DNAH10: variants seen among roughly 807,000 people sequenced by gnomAD.
The protein encoded by DNAH10 is dynein axonemal heavy chain 10.
DNAH10 carries 348 observed loss-of-function variants against 506.6 expected under a neutral mutation model. That is an observed-to-expected ratio of 0.69 (90% confidence interval 0.63 to 0.75). DNAH10 has a LOEUF of 0.75. Ranked by LOEUF, DNAH10 falls within the 30% of genes least tolerant of loss-of-function variation. The pLI is 0.00. For synonymous variants in DNAH10, 2,059 were observed against 2,198.6 expected (o/e 0.94, Z 1.78); for missense variants, 5,179 against 5,787.1 (o/e 0.89, Z 3.41).
Position 123,864,576 on chromosome 12 carries a change from C to T in DNAH10, c.6909-19C>T. 2.5e-6 allele frequency: 4 copies of T among 1,612,550 alleles called. No individual in the cohort carries two copies. Among genetic ancestry groups the T allele is most frequent in the Non-Finnish European group, 3.4e-6 (4 of 1,179,314 alleles). ...AAGCTCTCTAGGACCCATGGCTCTC[C>T]TTTCTTTGGTTGCTGCAGGTATATT... On this transcript the variant is annotated intron_variant, in intron 39 of 78. Transcript: ENST00000673944.
chr12:123,890,207 TAAGA>T (rs1291398363), intron 52 of DNAH10, among the ~76,000 whole-genome samples: 1 of 152,160 alleles, frequency 6.6e-6, no homozygotes, highest in Non-Finnish European at 1.5e-5. Flanking sequence ...TTATAGGAGA[TAAGA>T]TTTTATTCTC....
chr12:123,838,499 G>A lies in DNAH10; in HGVS notation c.4946G>A (p.Cys1649Tyr), dbSNP rs1414464870. 2 of 1,614,022 alleles carry A rather than the reference G, an allele frequency of 1.2e-6. No homozygotes were observed. Among genetic ancestry groups the A allele is most frequent in the Non-Finnish European group, 1.7e-6 (2 of 1,179,886 alleles). Residue 1649 changes from cysteine to tyrosine, a missense_variant, in exon 29 of 79, where the codon TGT becomes TAT. Transcript: ENST00000673944. ...AAAGACCCCGTGATCAAGAGGTGCT[G>A]TGAAGCCCCAAACCGCCTCAGTGAC... ...TLKDPVIKRC[C>Y]EAPNRLSDLQ...
At position 123,870,371 on chromosome 12, in the gene DNAH10, C is replaced by T; in HGVS notation, c.7525C>T (p.Leu2509Phe). 3.1e-6 allele frequency: 5 copies of T among 1,613,410 alleles called. No homozygotes were observed. The highest frequency in any genetic ancestry group is 4.2e-6 in the Non-Finnish European group (5 of 1,179,712). The change falls in exon 44 of 79, where the codon CTT (leucine) becomes TTT (phenylalanine). Residue 2509 changes from leucine to phenylalanine, a missense_variant. Transcript: ENST00000673944. ...TCAACCATGATTTCCTGCAGGTCAA[C>T]TTCCAACCTTGTATGACTTTCATTT... The part of the protein sequence containing the change: ...WANPGELPGQ[L>F]PTLYDFHFDN...
intron 52 of DNAH10, among the ~76,000 whole-genome samples, chr12:123,888,216 A>G (rs887169601): frequency 3.3e-5 from 5 of 152,022 alleles, no homozygotes; most frequent in Admixed American, 3.3e-4. Context: ...TCCAAAAAGA[A>G]AAAAAAACAA....
intron 39 of DNAH10, among the ~76,000 whole-genome samples, chr12:123,862,653 A>C (rs1203828815): frequency 1.3e-5 from 2 of 152,162 alleles, no homozygotes; most frequent in Non-Finnish European, 2.9e-5. Flanking sequence ...AGCCAACTAC[A>C]GTGCTGAGAT....
chr12:123,810,909 C>A (rs530779264), intron 19 of DNAH10, among the ~76,000 whole-genome samples: 75 of 152,072 alleles, frequency 4.9e-4, no homozygotes, highest in African/African-American at 1.8e-3. Flanking sequence ...TATTCCATGC[C>A]AACTTAACTT....
rs959269005 is a variant in DNAH10, at chr12:123,903,876, C to T, written c.9815+763C>T. On this transcript the variant is annotated intron_variant, in intron 57 of 78. Coordinates refer to ENST00000673944, the MANE Select transcript of DNAH10 (RefSeq NM_001372106.1). The surrounding 1 kb of genome is among the most constrained non-coding windows in gnomAD (Gnocchi z 4.6). Reference sequence around the variant, plus strand: ...TCGGCGTGGGAGCCTCAGCTCTCTCCTTCCCCACTCTTCATCCAGAAGGAG... The same window carrying T: ...TCGGCGTGGGAGCCTCAGCTCTCTCTTTCCCCACTCTTCATCCAGAAGGAG... Among the ~76,000 whole-genome samples the T allele has an allele frequency of 2.0e-5, 3 of 152,156 alleles. No homozygotes were observed. Among genetic ancestry groups the T allele is most frequent in the African/African-American group, 4.8e-5 (2 of 41,422 alleles).
chr12:123,814,380 A>T (rs1388057892), intron 21 of DNAH10: 2 of 152,868 alleles, frequency 1.3e-5, no homozygotes, highest in South Asian at 2.1e-4. Context: ...GAAATTTTAC[A>T]TACTGTACAT....
intron 51 of DNAH10, among the ~76,000 whole-genome samples, chr12:123,884,878 C>A (rs1362448672): frequency 6.6e-6 from 1 of 152,184 alleles, no homozygotes; most frequent in Non-Finnish European, 1.5e-5. Flanking sequence ...TAAAGATTGC[C>A]ACTGTTAGGT....
chr12:123,892,388 A>G (rs531814082), intron 52 of DNAH10, among the ~76,000 whole-genome samples: 1 of 152,330 alleles, frequency 6.6e-6, no homozygotes, highest in South Asian at 2.1e-4. Flanking sequence ...TCGCGCTCAC[A>G]AGAACAGCAC....
intron 30 of DNAH10, 107 bp from the exon 31 acceptor site, chr12:123,845,493 C>T: frequency 6.9e-7 from 1 of 1,445,558 alleles, no homozygotes; most frequent in Non-Finnish European, 9.2e-7. Context: ...AAAACCTTTA[C>T]TTTGCCCTCC....
At chr12:123,923,110 G>A (rs966186346) in intron 65 of DNAH10, 4 of 152,104 alleles carry the variant, frequency 2.6e-5, no homozygotes, top group South Asian at 2.1e-4. Context: ...AAAGAAGAAC[G>A]CTGGTATTTT....
rs1958561324 is a variant in DNAH10, at chr12:123,803,866, A to G, written c.2779+41A>G. ...GGGTTCTCCAGTTATGGAATTAATG[A>G]GAACATATATTGTATATACATACAT... On this transcript the variant is annotated intron_variant, in intron 17 of 78. Transcript: ENST00000673944. 5 of 1,578,248 alleles carry G rather than the reference A, an allele frequency of 3.2e-6. No individual in the cohort carries two copies. The East Asian group carries it at 9.0e-5, about 28-fold the overall frequency.
chr12:123,824,535 T>C (rs1248163389), intron 24 of DNAH10, among the ~76,000 whole-genome samples: 5 of 152,134 alleles, frequency 3.3e-5, no homozygotes, highest in Admixed American at 2.6e-4. Flanking sequence ...GAATACATGG[T>C]TGTGAATACA....
Position 123,808,944 on chromosome 12 carries a change from G to T in DNAH10, c.3135G>T (p.Glu1045Asp). 1 of 1,614,112 alleles carries T rather than the reference G, an allele frequency of 6.2e-7. No homozygotes were observed. Among genetic ancestry groups the T allele is most frequent in the South Asian group, 1.1e-5 (1 of 91,072 alleles). Residue 1045 changes from glutamate to aspartate, a missense_variant, in exon 19 of 79, where the codon GAG (glutamate) becomes GAT (aspartate). This residue lies in a region of DNAH10 where 4,844 missense variants were observed against 5,430.5 expected (regional missense o/e 0.89). Coordinates refer to ENST00000673944, the MANE Select transcript of DNAH10 (RefSeq NM_001372106.1). ...TCCATTGTGTCCGGAATTGCGTGGA[G>T]ATCACCAAGGTGAGAGCGGAGGTGC... ...MCFHCVRNCV[E>D]ITKHFVRWMN...
At chr12:123,771,547 G>T (rs983362965) in intron 2 of DNAH10, 54 bp from the exon 3 acceptor site, 5 of 1,494,054 alleles carry the variant, frequency 3.3e-6, no homozygotes, top group Admixed American at 1.8e-5. Flanking sequence ...GCTCTTGATG[G>T]TAGGAAACCT....
In DNAH10 at chr12:123,887,425, G is replaced by GTA. The variant is rs1398166311; in HGVS notation, c.8995+113_8995+114dup. The GTA allele has an allele frequency of 4.7e-6, 6 of 1,280,614 alleles. No individual in the cohort carries two copies. In the African/African-American group the frequency reaches 6.1e-5, roughly 13 times the overall value. The allele number at this position is 1,280,614 out of a possible 1,614,324, so 79.3% of individuals were successfully genotyped here. A position where few individuals can be genotyped will look rare whatever the true frequency, so the allele number is the denominator to read the frequency against. Reference sequence around the variant, plus strand: ...ACACTGTGGGTAGCCCTGTGCGGGTGTACCTGTTCCTCCCTCACGGCGGCC... The same window carrying GTA: ...ACACTGTGGGTAGCCCTGTGCGGGTGTATACCTGTTCCTCCCTCACGGCGGCC... On this transcript the variant is annotated intron_variant, in intron 52 of 78. Transcript: ENST00000673944.
chr12:123,762,588 C>A lies in DNAH10; in HGVS notation c.214+38C>A. On this transcript the variant is annotated intron_variant, in intron 1 of 78. Coordinates refer to ENST00000673944, the MANE Select transcript of DNAH10 (RefSeq NM_001372106.1). The surrounding 1 kb of genome is among the most constrained non-coding windows in gnomAD (Gnocchi z 5.0). ...GCGCCGCTCCCTTCCCCGGGCTTCC[C>A]TCCTGCCCGTCCCGGCCTCTCCGGC... 1 of 1,523,488 alleles carries A rather than the reference C, an allele frequency of 6.6e-7. No individual in the cohort carries two copies. Among genetic ancestry groups the A allele is most frequent in the Non-Finnish European group, 8.8e-7 (1 of 1,135,458 alleles). 94.4% of individuals were successfully genotyped at this position (1,523,488 alleles called of 1,614,324 possible).
chr12:123,828,701 G>T (rs1303521509), intron 25 of DNAH10, among the ~76,000 whole-genome samples: 1 of 152,156 alleles, frequency 6.6e-6, no homozygotes, highest in African/African-American at 2.4e-5. Flanking sequence ...TGCCTGAGCT[G>T]TCTTGTCTAT....
Sources: allele counts gnomAD v4.1 joint callset (sites outside exome capture counted in the v4.1 genomes callset), GRCh38; gene constraint gnomAD v4.1.1; regional missense constraint gnomAD v4.1.1; non-coding constraint Gnocchi (gnomAD v3.1); transcripts MANE v1.5; gene names NCBI Gene and HGNC (gene_info 2026-07-23, HGNC 2026-07-21).